Variants in STK31 observed in about 807,000 individuals in gnomAD.
STK31 encodes the protein serine/threonine kinase 31, also known as serine/threonine-protein kinase 31.
A neutral mutation model predicts 129.7 loss-of-function variants in STK31; 89 were observed. That is an observed-to-expected ratio of 0.69 (90% CI 0.58 to 0.82). The LOEUF is 0.82. Ranked by LOEUF, STK31 falls within the 40% of genes least tolerant of loss-of-function variation. The probability of loss-of-function intolerance (pLI) is 0.00; values close to 1 mark genes in which losing one functional copy is unlikely to be tolerated. For missense variants in STK31, 1,187 were observed against 1,176.4 expected, an observed-to-expected ratio of 1.01 and a Z score of -0.13; for synonymous variants, 448 against 395.3, an observed-to-expected ratio of 1.13 and a Z score of -1.58.
At chr7:23,736,189 C>CTT (rs931780644) in intron 7 of STK31, among the ~76,000 whole-genome samples, 2 of 152,166 alleles carry the variant, frequency 1.3e-5, no homozygotes, top group African/African-American at 4.8e-5. Flanking sequence ...GCTCCTAAAT[C>CTT]TGAATTATTC....
At chr7:23,782,916 A>G (rs571487318) in intron 16 of STK31, among the ~76,000 whole-genome samples, 2 of 152,264 alleles carry the variant, frequency 1.3e-5, no homozygotes, top group South Asian at 2.1e-4. Flanking sequence ...ATTTGTGCTT[A>G]TGTATGTATC....
chr7:23,724,716 G>T (rs1786949600), intron 4 of STK31, among the ~76,000 whole-genome samples: 1 of 152,200 alleles, frequency 6.6e-6, no homozygotes, highest in African/African-American at 2.4e-5. Flanking sequence ...TCTTACCAGG[G>T]TTGAGAGAGA....
chr7:23,755,639 C>T (rs1789023013), intron 10 of STK31, among the ~76,000 whole-genome samples: 1 of 152,162 alleles, frequency 6.6e-6, no homozygotes, highest in African/African-American at 2.4e-5. Context: ...TTAGGTTTTA[C>T]ATTTAAGTCT....
intron 4 of STK31, chr7:23,721,526 C>T (rs1186294730): frequency 5.3e-6 from 5 of 951,570 alleles, no homozygotes; most frequent in Admixed American, 1.8e-5. Flanking sequence ...TGTGTTAGTT[C>T]TCTGTTTAAC....
intron 11 of STK31, among the ~76,000 whole-genome samples, chr7:23,763,742 A>T (rs917331518): frequency 9.0e-6 from 1 of 111,150 alleles, no homozygotes; most frequent in African/African-American, 3.4e-5. Context: ...GTGTTTTCAA[A>T]TGTTTTCATT....
intron 4 of STK31, among the ~76,000 whole-genome samples, chr7:23,726,705 T>TA (rs768898637): frequency 3.6e-4 from 55 of 152,050 alleles, no homozygotes; most frequent in Non-Finnish European, 6.8e-4. Context: ...AGATATAAAA[T>TA]AAAGTACAGT....
intron 22 of STK31, among the ~76,000 whole-genome samples, chr7:23,801,103 C>T (rs969286182): frequency 6.6e-6 from 1 of 152,128 alleles, no homozygotes; most frequent in East Asian, 1.9e-4. Flanking sequence ...AGATTGTAAT[C>T]GTATGTATTA....
At chr7:23,745,257 C>CCCAA (rs1274484000) in intron 8 of STK31, among the ~76,000 whole-genome samples, 1 of 152,034 alleles carries the variant, frequency 6.6e-6, no homozygotes, top group African/African-American at 2.4e-5. Flanking sequence ...TGCTCAGACA[C>CCCAA]TGGTGAGAGG....
chr7:23,767,132 A>G (rs982232014), intron 11 of STK31, among the ~76,000 whole-genome samples: 2 of 152,106 alleles, frequency 1.3e-5, no homozygotes, highest in African/African-American at 4.8e-5. Context: ...TGTTGAGAAT[A>G]TTTATTATGC....
chr7:23,802,745 C>T (rs1267986706), intron 22 of STK31, among the ~76,000 whole-genome samples: 1 of 152,140 alleles, frequency 6.6e-6, no homozygotes, highest in African/African-American at 2.4e-5. Flanking sequence ...AACTCCTGAC[C>T]TCAAGTGATC....
At chr7:23,792,469 C>CATAA (rs2128115295) in intron 22 of STK31, among the ~76,000 whole-genome samples, 1 of 149,186 alleles carries the variant, frequency 6.7e-6, no homozygotes, top group South Asian at 2.1e-4. Context: ...CTCAAGAAGA[C>CATAA]ATAAATAAAT....
At chr7:23,781,038 TTAAC>T (rs1413622938) in intron 15 of STK31, among the ~76,000 whole-genome samples, 1 of 152,226 alleles carries the variant, frequency 6.6e-6, no homozygotes, top group African/African-American at 2.4e-5. Flanking sequence ...TGTTTTGTTT[TTAAC>T]TAAATATCAT....
chr7:23,733,055 T>A (rs937498623), intron 6 of STK31, among the ~76,000 whole-genome samples: 4 of 151,950 alleles, frequency 2.6e-5, no homozygotes, highest in African/African-American at 9.7e-5. Context: ...ATTGATATAA[T>A]ATATTGATAT....
intron 23 of STK31, among the ~76,000 whole-genome samples, chr7:23,817,314 A>C (rs1793532913): frequency 1.3e-5 from 2 of 152,214 alleles, no homozygotes; most frequent in Non-Finnish European, 2.9e-5. Context: ...TAATGTGGGT[A>C]GCTACTCATG....
chr7:23,714,738 T>C (rs546610945), intron 3 of STK31, among the ~76,000 whole-genome samples: 2 of 152,326 alleles, frequency 1.3e-5, no homozygotes, highest in South Asian at 4.1e-4. Flanking sequence ...TTTACTTTAT[T>C]TGTGAATATG....
intron 1 of STK31, among the ~76,000 whole-genome samples, chr7:23,711,014 T>C (rs746795299): frequency 6.6e-6 from 1 of 152,228 alleles, no homozygotes; most frequent in Non-Finnish European, 1.5e-5. Context: ...GAAAAATTTT[T>C]TTAAAAAATT....
rs1030618290 is a variant in STK31 at position 23,786,831 on chromosome 7, T to C, written c.2401-7T>C. On this transcript the variant is annotated splice_region_variant and splice_polypyrimidine_tract_variant and intron_variant, in intron 19 of 23. Coordinates refer to ENST00000355870, the MANE Select transcript of STK31 (RefSeq NM_031414.5). ...CTTGGAGTCACATTCTCTGTTTTGC[T>C]TCTTAGTCTGATCCTATGGCTTATC... 6 of 1,609,752 alleles carry C rather than the reference T, an allele frequency of 3.7e-6. No individual in the cohort carries two copies. The highest frequency in any genetic ancestry group is 1.7e-4 in the Middle Eastern group (1 of 6,026).
intron 22 of STK31, among the ~76,000 whole-genome samples, chr7:23,803,611 G>T (rs1201032847): frequency 6.6e-6 from 1 of 152,052 alleles, no homozygotes; most frequent in Admixed American, 6.5e-5. Flanking sequence ...AGGTTTGGGG[G>T]TACATATGCA....
intron 4 of STK31, among the ~76,000 whole-genome samples, chr7:23,726,937 C>G (rs1423661468): frequency 1.3e-5 from 2 of 152,026 alleles, no homozygotes; most frequent in Non-Finnish European, 2.9e-5. Flanking sequence ...GTGTTTGATG[C>G]TTGTGCCTTA....
Sources: allele counts gnomAD v4.1 joint callset (sites outside exome capture counted in the v4.1 genomes callset), GRCh38; gene constraint gnomAD v4.1.1; transcripts MANE v1.5; gene names NCBI Gene and HGNC (gene_info 2026-07-23, HGNC 2026-07-21).